The following CERS1 variants were observed in gnomAD, a reference collection of about 807,000 sequenced individuals.
CERS1 encodes the protein Embryonic growth/differentiation factor 1.
A neutral mutation model predicts 35.7 loss-of-function variants in CERS1; 16 were observed. The observed-to-expected ratio is 0.45, with a 90% CI of 0.30 to 0.68. CERS1 has a LOEUF of 0.68. Among genes scored for constraint, CERS1 ranks in the 30% least tolerant of loss-of-function variants. The pLI, the probability that CERS1 is intolerant of heterozygous loss-of-function variation, is 0.08. For missense variants in CERS1, 454 were observed against 453.9 expected, an observed-to-expected ratio of 1.00 and a Z score of 0.00; for synonymous variants, 243 against 201.6, an observed-to-expected ratio of 1.21 and a Z score of -1.74.
intron 6 of CERS1, among the ~76,000 whole-genome samples, chr19:18,873,997 G>C (rs1001454192): frequency 5.3e-5 from 8 of 152,092 alleles, no homozygotes; most frequent in Admixed American, 5.2e-4. Flanking sequence ...TAGGAATTCT[G>C]CTACAAGGGA....
Position 18,878,379 on chromosome 19 carries a change from C to G in CERS1, c.1010+551G>C, listed in dbSNP as rs1011586623. 2 of 986,938 alleles carry G rather than the reference C, an allele frequency of 2.0e-6. No homozygotes were observed. Among genetic ancestry groups the G allele is most frequent in the Non-Finnish European group, 1.2e-6 (1 of 831,124 alleles). The allele number at this position is 986,938 out of a possible 1,614,324, so 61.1% of individuals were successfully genotyped here. A position where few individuals can be genotyped will look rare whatever the true frequency, so the allele number is the denominator to read the frequency against. On this transcript the variant is annotated intron_variant, in intron 6 of 7. Transcript: ENST00000623882. The surrounding 1 kb of genome is among the most constrained non-coding windows in gnomAD (Gnocchi z 4.6). ...GTGAGGCTCGTGGGCTATCTCCTTC[C>G]CCAGGACTCCCACCTGGGCTGGACT... is the stretch of plus-strand genomic sequence containing the variant.
intron 2 of CERS1, 115 bp from the exon 3 acceptor site, chr19:18,884,382 G>A: frequency 2.1e-6 from 2 of 937,980 alleles, no homozygotes; most frequent in Non-Finnish European, 3.1e-6. Flanking sequence ...AGGTAACCAT[G>A]CGTGTCTGAC....
At chr19:18,882,821 T>A (rs2056248373) in intron 3 of CERS1, among the ~76,000 whole-genome samples, 1 of 151,760 alleles carries the variant, frequency 6.6e-6, no homozygotes, top group South Asian at 2.1e-4. Context: ...GCCTCCTGAG[T>A]AGCTGGGACT....
intron 7 of CERS1, 100 bp from the exon 8 acceptor site, chr19:18,869,490 G>A: frequency 7.0e-7 from 1 of 1,434,864 alleles, no homozygotes; most frequent in Non-Finnish European, 9.2e-7. Flanking sequence ...TGGGGCTCGG[G>A]GCGCACCGTC....
At chr19:18,880,707 TTTTTC>T (rs1198721911) in intron 3 of CERS1, among the ~76,000 whole-genome samples, 1 of 151,784 alleles carries the variant, frequency 6.6e-6, no homozygotes, top group Non-Finnish European at 1.5e-5. Flanking sequence ...TGGAAGTTTA[TTTTTC>T]TTTTGAGACA....
Position 18,868,901 on chromosome 19 carries a change from AGCCGCCGCGCGCGACAAGCGCCCCCGGG to A in CERS1, c.*1056_*1083del, listed in dbSNP as rs1417119878. ...GCCCACCTCGCGGAAGCTCACGTAC[AGCCGCCGCGCGCGACAAGCGCCCCCGGG>A]GCCGCCGCCCAACACGGGTTCGGCG... On this transcript the variant is annotated 3_prime_UTR_variant, in exon 8 of 8. Transcript: ENST00000623882. The A allele has an allele frequency of 1.4e-5, 20 of 1,396,800 alleles. No individual in the cohort carries two copies. Among genetic ancestry groups the A allele is most frequent in the Non-Finnish European group, 1.9e-5 (20 of 1,067,002 alleles). The allele number at this position is 1,396,800 out of a possible 1,614,324, so 86.5% of individuals were successfully genotyped here.
chr19:18,892,322 C>T (rs1373165901), intron 2 of CERS1, among the ~76,000 whole-genome samples: 1 of 152,020 alleles, frequency 6.6e-6, no homozygotes, highest in Non-Finnish European at 1.5e-5. Flanking sequence ...TGCTTAAAAA[C>T]ATCACATTCA....
Position 18,868,689 on chromosome 19 carries a change from ACAGGCGCG to A in CERS1, c.*1288_*1295del, listed in dbSNP as rs1463384199. 6.4e-7 allele frequency: 1 copy of A among 1,563,338 alleles called. No homozygotes were observed. ...TCAAAGAAGAGCACGGAGATGGGCG[ACAGGCGCG>A]CGGGCACGCAGCAGGGCAGGTCGGC... On this transcript the variant is annotated 3_prime_UTR_variant, in exon 8 of 8. Coordinates refer to ENST00000623882, the MANE Select transcript of CERS1 (RefSeq NM_021267.5).
Position 18,878,947 on chromosome 19 carries a change from C to G in CERS1, c.993G>C (p.Leu331=), listed in dbSNP as rs2056120211. The part of the protein sequence containing the change: ...REYDTAEAQS[L]KPSKAEKPLR... ...ACACTCACTCGGCTTTGCTGGGCTT[C>G]AGGCTCTGGGCCTCGGCTGTGTCAT... The change falls in exon 6 of 8, where the codon CTG becomes CTC. Residue 331 remains leucine, a synonymous_variant. Coordinates refer to ENST00000623882, the MANE Select transcript of CERS1 (RefSeq NM_021267.5). The surrounding 1 kb of genome is among the most constrained non-coding windows in gnomAD (Gnocchi z 4.6). 1 of 1,613,756 alleles carries G rather than the reference C, an allele frequency of 6.2e-7. No individual in the cohort carries two copies.
chr19:18,891,568 T>A (rs760393535), intron 2 of CERS1, among the ~76,000 whole-genome samples: 2 of 151,788 alleles, frequency 1.3e-5, no homozygotes, highest in Non-Finnish European at 1.5e-5. Flanking sequence ...CCACTTCTTA[T>A]CATCTTCCCC....
At chr19:18,879,422 AG>A (rs2056138814) in intron 4 of CERS1, 34 bp from the exon 5 acceptor site, 1 of 1,549,236 alleles carries the variant, frequency 6.5e-7, no homozygotes, top group Non-Finnish European at 8.7e-7. Context: ...CCGTGGGTGG[AG>A]GGGGACGGTG....
chr19:18,885,269 T>C (rs1048826974), intron 2 of CERS1, among the ~76,000 whole-genome samples: 8 of 151,512 alleles, frequency 5.3e-5, no homozygotes, highest in Non-Finnish European at 7.4e-5. Flanking sequence ...GGTGTGATCA[T>C]AGTTCACTGC....
In CERS1 at chr19:18,876,968, G is replaced by A. The variant is rs767722167; in HGVS notation, c.1010+1962C>T. Among the ~76,000 whole-genome samples, 4 of 152,152 alleles carry A rather than the reference G, an allele frequency of 2.6e-5. No homozygotes were observed. The East Asian group carries it at 7.7e-4, about 29-fold the overall frequency. ...CTCCTCTGACCCTGGATTGTTCCTCGGTCTTTCCCTGATTCCCATGATCTT... is the reference window on the plus strand; with the variant it reads ...CTCCTCTGACCCTGGATTGTTCCTCAGTCTTTCCCTGATTCCCATGATCTT... On this transcript the variant is annotated intron_variant, in intron 6 of 7. Coordinates refer to ENST00000623882, the MANE Select transcript of CERS1 (RefSeq NM_021267.5).
rs1406920059 is a variant in CERS1, at chr19:18,883,437, G to A, written c.590+650C>T. The A allele has an allele frequency of 1.3e-5, 2 of 152,244 alleles. 1 individual carries two copies. The highest frequency in any genetic ancestry group is 4.1e-4 in the South Asian group (2 of 4,844). 9.4% of individuals were successfully genotyped at this position (152,244 alleles called of 1,614,324 possible). ...AATCCCCACACTTCGGGGAGCTGAGGTGGGAGGATCACTTGAGCCCAGGAG... is the reference window on the plus strand; with the variant it reads ...AATCCCCACACTTCGGGGAGCTGAGATGGGAGGATCACTTGAGCCCAGGAG... On this transcript the variant is annotated intron_variant, in intron 3 of 7. Transcript: ENST00000623882.
chr19:18,895,837 G>T lies in CERS1; in HGVS notation c.236C>A (p.Ala79Glu). ...GWTALRSAAT[A>E]RLFRPLAKRC... ...GGCCACACTGACCCGAAAGAGGCGC[G>T]CAGTGGCCGCGGAGCGCAGGGCGGT... Residue 79 changes from alanine to glutamate, a missense_variant, in exon 1 of 8, where the codon GCG becomes GAG. Physicochemically the swap from Ala to Glu is moderately radical, Grantham distance 107. Coordinates refer to ENST00000623882, the MANE Select transcript of CERS1 (RefSeq NM_021267.5). This position sits in a 1 kb window ranked among gnomAD's most constrained non-coding sequence, Gnocchi z 6.4. 1 of 1,295,534 alleles carries T rather than the reference G, an allele frequency of 7.7e-7. No homozygotes were observed. Among genetic ancestry groups the T allele is most frequent in the Non-Finnish European group, 9.8e-7 (1 of 1,021,474 alleles). 80.3% of individuals were successfully genotyped at this position (1,295,534 alleles called of 1,614,324 possible). A position where few individuals can be genotyped will look rare whatever the true frequency, so the allele number is the denominator to read the frequency against.
At chr19:18,889,410 T>C (rs1278416513) in intron 2 of CERS1, among the ~76,000 whole-genome samples, 1 of 151,930 alleles carries the variant, frequency 6.6e-6, no homozygotes, top group Non-Finnish European at 1.5e-5. Flanking sequence ...TTCAGAGGTC[T>C]CAAATCTCCT....
chr19:18,878,958 C>T lies in CERS1; in HGVS notation c.982G>A (p.Ala328Thr). ...GCTTTGCTGGGCTTCAGGCTCTGGG[C>T]CTCGGCTGTGTCATACTCCCGCAGG... ...KDLREYDTAEAQSLKPSKAEK... is the reference protein window; with the variant it reads ...KDLREYDTAETQSLKPSKAEK... The change falls in exon 6 of 8, where the codon GCC (alanine) becomes ACC (threonine). Residue 328 changes from alanine (A) to threonine (T), a missense_variant. Ala to Thr is a moderately conservative substitution (Grantham distance 58, BLOSUM62 0). Coordinates refer to ENST00000623882, the MANE Select transcript of CERS1 (RefSeq NM_021267.5). The surrounding 1 kb of genome is among the most constrained non-coding windows in gnomAD (Gnocchi z 4.6). 6.2e-7 allele frequency: 1 copy of T among 1,613,804 alleles called. No individual in the cohort carries two copies. The highest frequency in any genetic ancestry group is 8.5e-7 in the Non-Finnish European group (1 of 1,179,856).
chr19:18,880,469 C>G, intron 3 of CERS1, 34 bp from the exon 4 acceptor site: 1 of 1,544,386 alleles, frequency 6.5e-7, no homozygotes, highest in Non-Finnish European at 8.8e-7. Context: ...GAGAGGGCAG[C>G]TCACATTGGG....
At chr19:18,890,796 A>AAG (rs2146060989) in intron 2 of CERS1, among the ~76,000 whole-genome samples, 1 of 149,448 alleles carries the variant, frequency 6.7e-6, no homozygotes, top group East Asian at 2.0e-4. Context: ...AAAAAAAAAA[A>AAG]AAAAAAAGCA....
Sources: gnomAD v4.1 joint callset for allele counts (sites outside exome capture counted in the v4.1 genomes callset) on GRCh38, gnomAD v4.1.1 for gene constraint, Gnocchi (gnomAD v3.1) non-coding constraint, MANE v1.5 for transcripts, NCBI Gene and HGNC (gene_info 2026-07-23, HGNC 2026-07-21) for gene names.